The following SPTLC2 variants were observed in gnomAD, a reference collection of about 807,000 sequenced individuals.
The protein encoded by SPTLC2 is serine palmitoyltransferase long chain base subunit 2, also known as serine palmitoyltransferase 2.
A neutral mutation model predicts 62.0 loss-of-function variants in SPTLC2; 21 were observed. The observed-to-expected ratio is 0.34, with a 90% CI of 0.24 to 0.49. SPTLC2 has a LOEUF of 0.49. Among genes scored for constraint, SPTLC2 ranks in the 20% least tolerant of loss-of-function variants. The pLI, the probability that SPTLC2 is intolerant of heterozygous loss-of-function variation, is 0.99. For missense variants in SPTLC2, 511 were observed against 713.0 expected (o/e 0.72, Z 3.23); for synonymous variants, 261 against 261.8 (o/e 1.00, Z 0.03).
intron 1 of SPTLC2, among the ~76,000 whole-genome samples, chr14:77,606,412 A>T (rs2079905831): frequency 7.2e-6 from 1 of 138,378 alleles, no homozygotes; most frequent in South Asian, 2.2e-4. Flanking sequence ...TGTACAGAAT[A>T]CAGCAGTCTA....
chr14:77,538,355 C>CCTG (rs1338927965), intron 9 of SPTLC2, among the ~76,000 whole-genome samples: 1 of 152,182 alleles, frequency 6.6e-6, no homozygotes, highest in Non-Finnish European at 1.5e-5. Context: ...GGGATGGGAT[C>CCTG]CTGTCTCTAC....
chr14:77,536,772 C>G (rs2079473256), intron 9 of SPTLC2, among the ~76,000 whole-genome samples: 1 of 152,114 alleles, frequency 6.6e-6, no homozygotes, highest in Non-Finnish European at 1.5e-5. Flanking sequence ...ACCATTAGAT[C>G]AGTGGTAAAG....
intron 2 of SPTLC2, among the ~76,000 whole-genome samples, chr14:77,593,013 GA>G (rs1425526954): frequency 6.6e-5 from 10 of 151,492 alleles, no homozygotes; most frequent in Non-Finnish European, 1.5e-4. Flanking sequence ...TGAGGCAAGA[GA>G]ATCACTTGAA....
chr14:77,535,895 A>T (rs1372781219), intron 9 of SPTLC2: 1 of 445,276 alleles, frequency 2.2e-6, no homozygotes, highest in Admixed American at 2.5e-5. Flanking sequence ...GTTCAAAGAT[A>T]TTAAGGAAGC....
In SPTLC2 at chr14:77,536,356, G is replaced by A. The variant is rs561886706; in HGVS notation, c.1304-14775C>T. Among the ~76,000 whole-genome samples the A allele has an allele frequency of 3.3e-5, 5 of 151,838 alleles. No homozygotes were observed. In the East Asian group the frequency reaches 9.6e-4, roughly 29 times the overall value. On this transcript the variant is annotated intron_variant, in intron 9 of 11. Transcript: ENST00000216484. ...GACACTGTTTGCTCACTGTAGGTCA[G>A]GTATTTTTTGGTTTTTTTTTTCTCT... is the stretch of plus-strand genomic sequence containing the variant.
chr14:77,537,175 C>G (rs2079475877), intron 9 of SPTLC2, among the ~76,000 whole-genome samples: 1 of 151,938 alleles, frequency 6.6e-6, no homozygotes, highest in Admixed American at 6.6e-5. Context: ...GCCTCTGCCT[C>G]ACAAAGTGCT....
chr14:77,564,251 A>AAAAAGG (rs1183067072), intron 5 of SPTLC2, among the ~76,000 whole-genome samples: 18 of 147,928 alleles, frequency 1.2e-4, no homozygotes, highest in African/African-American at 4.2e-4. Context: ...AAAAAAAAAA[A>AAAAAGG]AGGAGGAGGA....
chr14:77,585,208 C>T (rs1206266818), intron 2 of SPTLC2, among the ~76,000 whole-genome samples: 1 of 152,132 alleles, frequency 6.6e-6, no homozygotes, highest in East Asian at 1.9e-4. Context: ...GTAACTCTAC[C>T]AATAATGTGA....
chr14:77,538,722 C>G lies in SPTLC2; in HGVS notation c.1303+13374G>C, dbSNP rs1299378533. Among the ~76,000 whole-genome samples the G allele has an allele frequency of 2.0e-5, 3 of 152,136 alleles. No homozygotes were observed. The South Asian group carries it at 6.2e-4, about 31-fold the overall frequency. On this transcript the variant is annotated intron_variant, in intron 9 of 11. Transcript: ENST00000216484. ...AGTAGCTGGGATTACAGGCATGCGT[C>G]ACCACATCTGGCTAATTTTTGTATT...
chr14:77,596,195 C>T (rs553214255), intron 2 of SPTLC2, among the ~76,000 whole-genome samples: 1 of 152,066 alleles, frequency 6.6e-6, no homozygotes, highest in South Asian at 2.1e-4. Context: ...AAAAATTAGC[C>T]GGGCACGGTG....
intron 2 of SPTLC2, among the ~76,000 whole-genome samples, chr14:77,588,156 C>A (rs1350949075): frequency 6.6e-6 from 1 of 152,108 alleles, no homozygotes; most frequent in Non-Finnish European, 1.5e-5. Context: ...CCACGCCAGT[C>A]TAAACTCCTA....
chr14:77,593,493 T>C (rs1348346109), intron 2 of SPTLC2, among the ~76,000 whole-genome samples: 7 of 152,126 alleles, frequency 4.6e-5, no homozygotes, highest in African/African-American at 1.2e-4. Flanking sequence ...AAATAATCCA[T>C]AGATTGAGAA....
At chr14:77,581,601 G>A (rs375104948) in intron 2 of SPTLC2, among the ~76,000 whole-genome samples, 62 of 151,454 alleles carry the variant, frequency 4.1e-4, no homozygotes, top group African/African-American at 1.2e-3. Flanking sequence ...TATTAAAGAC[G>A]GGGTTTCACT....
intron 4 of SPTLC2, among the ~76,000 whole-genome samples, chr14:77,574,922 G>T (rs544705486): frequency 2.0e-5 from 3 of 152,144 alleles, no homozygotes; most frequent in Non-Finnish European, 4.4e-5. Context: ...AAATTAGATG[G>T]TGGGGCCAGG....
In SPTLC2 at chr14:77,529,620, C is replaced by CTTTCTTTTTTTTTTTTTTTTTTTTT. The variant is rs1555373703; in HGVS notation, c.1304-8040_1304-8039insAAAAAAAAAAAAAAAAAAAAAGAAA. 1.1e-3 allele frequency among the ~76,000 whole-genome samples: 86 copies of CTTTCTTTTTTTTTTTTTTTTTTTTT among 76,044 alleles called. 6 individuals are homozygous for CTTTCTTTTTTTTTTTTTTTTTTTTT. Among genetic ancestry groups the CTTTCTTTTTTTTTTTTTTTTTTTTT allele is most frequent in the East Asian group, 3.7e-3 (5 of 1,364 alleles). The allele number at this position is 76,044 out of a possible 152,430, so 49.9% of individuals were successfully genotyped here. A position where few individuals can be genotyped will look rare whatever the true frequency, so the allele number is the denominator to read the frequency against. ...TTCTAGGAAAGCAATTTCTTTCTTTCTTTTTTTTTTTTTTTTTTTTTTGAG... is the reference window on the plus strand; with the variant it reads ...TTCTAGGAAAGCAATTTCTTTCTTTCTTTCTTTTTTTTTTTTTTTTTTTTTTTTTTTTTTTTTTTTTTTTTTTGAG... On this transcript the variant is annotated intron_variant, in intron 9 of 11. Transcript: ENST00000216484.
chr14:77,538,801 C>T (rs2079484329), intron 9 of SPTLC2, among the ~76,000 whole-genome samples: 1 of 151,580 alleles, frequency 6.6e-6, no homozygotes, highest in South Asian at 2.1e-4. Context: ...AAACTCCTGA[C>T]CTCAGGTGAT....
In SPTLC2 at chr14:77,579,086, A is replaced by G; in HGVS notation, c.351T>C (p.Asp117=). 1 of 1,614,126 alleles carries G rather than the reference A, an allele frequency of 6.2e-7. No individual in the cohort carries two copies. The highest frequency in any genetic ancestry group is 8.5e-7 in the Non-Finnish European group (1 of 1,180,006). ...EQKDFVSLYQ[D]FENFYTRNLY... ...GATTCCTTGTATAAAAGTTTTCAAA[A>G]TCTTGATACAATGACACAAAGTCCT... Residue 117 remains aspartate, a synonymous_variant, in exon 3 of 12, where the codon GAT becomes GAC. Transcript: ENST00000216484.
chr14:77,523,922 G>A (rs2079396716), intron 9 of SPTLC2, among the ~76,000 whole-genome samples: 1 of 152,124 alleles, frequency 6.6e-6, no homozygotes, highest in South Asian at 2.1e-4. Context: ...TAAAATTCCA[G>A]GCATTCAAAG....
At chr14:77,595,548 C>T (rs1221697497) in intron 2 of SPTLC2, among the ~76,000 whole-genome samples, 2 of 152,068 alleles carry the variant, frequency 1.3e-5, no homozygotes, top group African/African-American at 4.8e-5. Flanking sequence ...TGCTGGGGCT[C>T]GGATGGAGTA....
Sources: allele counts gnomAD v4.1 joint callset (sites outside exome capture counted in the v4.1 genomes callset), GRCh38; gene constraint gnomAD v4.1.1; transcripts MANE v1.5; gene names NCBI Gene and HGNC (gene_info 2026-07-23, HGNC 2026-07-21).